The following RNGTT variants were observed in gnomAD, a reference collection of about 807,000 sequenced individuals.
The protein encoded by RNGTT is RNA guanylyltransferase and 5'-phosphatase, also known as mRNA-capping enzyme.
A neutral mutation model predicts 79.3 loss-of-function variants in RNGTT; 33 were observed. That is an observed-to-expected ratio of 0.42 (90% CI 0.32 to 0.56). RNGTT has a LOEUF of 0.56. Ranked by LOEUF, RNGTT falls within the 20% of genes least tolerant of loss-of-function variation. The pLI, the probability that RNGTT is intolerant of heterozygous loss-of-function variation, is 0.17. For synonymous variants in RNGTT, 222 were observed against 235.9 expected (o/e 0.94, Z 0.54); for missense variants, 497 against 739.1 (o/e 0.67, Z 3.80).
chr6:88,790,041 CAA>C (rs1779354516), intron 12 of RNGTT, among the ~76,000 whole-genome samples: 1 of 152,016 alleles, frequency 6.6e-6, no homozygotes, highest in African/African-American at 2.4e-5. Context: ...TTACAGAAAA[CAA>C]GAGGTATCAA....
In RNGTT at chr6:88,858,323, T is replaced by C. The variant is rs1212145166; in HGVS notation, c.897-4559A>G. Among the ~76,000 whole-genome samples the C allele has an allele frequency of 2.6e-5, 4 of 151,860 alleles. No individual in the cohort carries two copies. In the East Asian group the frequency reaches 5.8e-4, roughly 22 times the overall value. On this transcript the variant is annotated intron_variant, in intron 8 of 15. Coordinates refer to ENST00000369485, the MANE Select transcript of RNGTT (RefSeq NM_003800.5). Reference sequence around the variant, plus strand: ...TAGATGCTAGGGTTATAACAGCAAATGGCACAGACTCTCTTCTCAACTTCA... The same window carrying C: ...TAGATGCTAGGGTTATAACAGCAAACGGCACAGACTCTCTTCTCAACTTCA...
At chr6:88,640,386 C>CAAAAA (rs34910543) in intron 14 of RNGTT, among the ~76,000 whole-genome samples, 1 of 97,154 alleles carries the variant, frequency 1.0e-5, no homozygotes, top group Non-Finnish European at 2.1e-5. Flanking sequence ...CCTGTCTCTA[C>CAAAAA]AAAAAAAAAA....
chr6:88,925,453 T>A (rs367756063), intron 4 of RNGTT, among the ~76,000 whole-genome samples: 2 of 151,812 alleles, frequency 1.3e-5, no homozygotes, highest in Admixed American at 1.3e-4. Context: ...TAGCAGGGTG[T>A]GGTGGTGCGC....
intron 2 of RNGTT, among the ~76,000 whole-genome samples, chr6:88,939,873 C>T (rs1179547019): frequency 6.6e-6 from 1 of 151,492 alleles, no homozygotes; most frequent in East Asian, 1.9e-4. Flanking sequence ...CCACCTCAGC[C>T]TCCCAAGTAG....
intron 6 of RNGTT, among the ~76,000 whole-genome samples, chr6:88,894,366 T>C (rs1438301270): frequency 6.6e-6 from 1 of 152,126 alleles, no homozygotes; most frequent in Non-Finnish European, 1.5e-5. Context: ...AAATCCACAA[T>C]GGATAAAAGA....
intron 5 of RNGTT, among the ~76,000 whole-genome samples, 177 bp downstream of exon 5, chr6:88,906,188 C>T (rs1033412153): frequency 2.0e-5 from 3 of 152,006 alleles, no homozygotes; most frequent in Non-Finnish European, 4.4e-5. Context: ...TACACACATA[C>T]ACACACACAC....
intron 14 of RNGTT, among the ~76,000 whole-genome samples, chr6:88,624,941 T>C (rs997388615): frequency 6.6e-6 from 1 of 151,918 alleles, no homozygotes; most frequent in Admixed American, 6.6e-5. Flanking sequence ...AAAGAAGCTA[T>C]ATAGATGACA....
intron 11 of RNGTT, among the ~76,000 whole-genome samples, chr6:88,824,323 G>A (rs1042863275): frequency 1.3e-5 from 2 of 152,100 alleles, no homozygotes; most frequent in Non-Finnish European, 2.9e-5. Context: ...ACTGAATACC[G>A]TAGGCAACTC....
intron 4 of RNGTT, among the ~76,000 whole-genome samples, chr6:88,923,464 T>A (rs556206683): frequency 7.2e-5 from 11 of 152,322 alleles, no homozygotes; most frequent in Non-Finnish European, 1.2e-4. Flanking sequence ...CTCAAAAGTG[T>A]ATGAATGCAC....
intron 8 of RNGTT, among the ~76,000 whole-genome samples, chr6:88,889,377 T>C (rs1281628740): frequency 6.6e-6 from 1 of 152,108 alleles, no homozygotes; most frequent in Non-Finnish European, 1.5e-5. Flanking sequence ...CACCTAATAA[T>C]GAAAATAGGT....
chr6:88,853,559 T>A (rs1582544825), intron 9 of RNGTT, 70 bp downstream of exon 9: 16 of 931,466 alleles, frequency 1.7e-5, no homozygotes, highest in South Asian at 3.5e-5. Flanking sequence ...CCAACAGAAA[T>A]ACACATTTAC....
At chr6:88,847,593 C>T (rs748529641) in intron 10 of RNGTT, among the ~76,000 whole-genome samples, 6 of 151,864 alleles carry the variant, frequency 4.0e-5, no homozygotes, top group Admixed American at 6.6e-5. Flanking sequence ...TAAAAATATA[C>T]GTGGCTTAAA....
At chr6:88,780,901 C>T (rs1779040814) in intron 12 of RNGTT, among the ~76,000 whole-genome samples, 1 of 152,084 alleles carries the variant, frequency 6.6e-6, no homozygotes, top group Non-Finnish European at 1.5e-5. Context: ...CACTGGTTCT[C>T]AACTAGGGGA....
intron 1 of RNGTT, among the ~76,000 whole-genome samples, chr6:88,960,014 T>C (rs1012880424): frequency 2.6e-5 from 4 of 152,226 alleles, no homozygotes; most frequent in Non-Finnish European, 4.4e-5. Flanking sequence ...TATGACCTTC[T>C]CTGGGAAGTC....
chr6:88,835,975 A>AACACACACAC lies in RNGTT; in HGVS notation c.1269+8372_1269+8381dup, dbSNP rs72228554. 6.0e-3 allele frequency among the ~76,000 whole-genome samples: 677 copies of AACACACACAC among 113,732 alleles called. 3 individuals carry two copies. Among genetic ancestry groups the AACACACACAC allele is most frequent in the South Asian group, 0.015 (49 of 3,278 alleles). 74.6% of individuals were successfully genotyped at this position (113,732 alleles called of 152,430 possible). A position where few individuals can be genotyped will look rare whatever the true frequency, so the allele number is the denominator to read the frequency against. ...ACAGCAAGACTCTGTCTCTATTAAA[A>AACACACACAC]ACACACACACACACACACACACACA... On this transcript the variant is annotated intron_variant, in intron 11 of 15. Transcript: ENST00000369485.
intron 13 of RNGTT, among the ~76,000 whole-genome samples, chr6:88,741,011 G>A (rs571561084): frequency 5.3e-5 from 8 of 152,162 alleles, no homozygotes; most frequent in Non-Finnish European, 1.0e-4. Flanking sequence ...ACGTAAATTA[G>A]TTTGACCATC....
At chr6:88,852,562 A>G (rs1047618348) in intron 9 of RNGTT, among the ~76,000 whole-genome samples, 12 of 152,124 alleles carry the variant, frequency 7.9e-5, no homozygotes, top group African/African-American at 2.9e-4. Flanking sequence ...ATACATGTAC[A>G]TATGTATATA....
intron 13 of RNGTT, among the ~76,000 whole-genome samples, chr6:88,715,115 AG>A (rs1429717242): frequency 3.3e-5 from 5 of 152,216 alleles, no homozygotes; most frequent in Non-Finnish European, 5.9e-5. Context: ...ACTTCAGCAA[AG>A]TCTCAGGATA....
intron 14 of RNGTT, among the ~76,000 whole-genome samples, chr6:88,651,917 A>G (rs1394408244): frequency 6.6e-6 from 1 of 152,138 alleles, no homozygotes; most frequent in Non-Finnish European, 1.5e-5. Context: ...TAGGCGGTGG[A>G]TAGATTAATT....
Sources: allele counts gnomAD v4.1 joint callset (sites outside exome capture counted in the v4.1 genomes callset), GRCh38; gene constraint gnomAD v4.1.1; transcripts MANE v1.5; gene names NCBI Gene and HGNC (gene_info 2026-07-23, HGNC 2026-07-21).